The following ESCO1 variants were observed in gnomAD, a reference collection of about 807,000 sequenced individuals.
ESCO1 encodes establishment of sister chromatid cohesion N-acetyltransferase 1, also known as N-acetyltransferase ESCO1.
Under a neutral mutation model 83.5 loss-of-function variants are expected in ESCO1, and 33 were observed. The ratio of observed to expected loss-of-function variants is 0.40; its 90% confidence interval spans 0.30 to 0.53. ESCO1 has a LOEUF of 0.53. ESCO1 is among the 20% of genes least tolerant of loss of function. The probability of loss-of-function intolerance (pLI) is 0.63; values close to 1 mark genes in which losing one functional copy is unlikely to be tolerated. For synonymous variants in ESCO1, 332 were observed against 324.3 expected (o/e 1.02, Z -0.25); for missense variants, 855 against 968.0 (o/e 0.88, Z 1.55).
chr18:21,547,678 C>A (rs1254137297), intron 8 of ESCO1, among the ~76,000 whole-genome samples: 1 of 151,972 alleles, frequency 6.6e-6, no homozygotes, highest in African/African-American at 2.4e-5. Flanking sequence ...CTCAAAAAAA[C>A]AGCTATCAAA....
intron 2 of ESCO1, among the ~76,000 whole-genome samples, chr18:21,582,851 T>C (rs1034486821): frequency 2.0e-5 from 3 of 152,258 alleles, no homozygotes; most frequent in Non-Finnish European, 4.4e-5. Flanking sequence ...TCAATGTCTA[T>C]GCAGGACAAT....
At chr18:21,535,650 G>A (rs1387291427) in intron 10 of ESCO1, among the ~76,000 whole-genome samples, 4 of 152,166 alleles carry the variant, frequency 2.6e-5, no homozygotes, top group African/African-American at 9.7e-5. Flanking sequence ...CCAAAGTGCT[G>A]GGATTACAGG....
intron 8 of ESCO1, among the ~76,000 whole-genome samples, chr18:21,556,996 T>C (rs1169460826): frequency 6.6e-6 from 1 of 152,094 alleles, no homozygotes; most frequent in Non-Finnish European, 1.5e-5. Flanking sequence ...CACTGACCGG[T>C]ATTGTCGACT....
chr18:21,558,276 A>C (rs961318609), intron 8 of ESCO1, among the ~76,000 whole-genome samples: 1 of 152,156 alleles, frequency 6.6e-6, no homozygotes, highest in Admixed American at 6.6e-5. Flanking sequence ...GAAAGAATAC[A>C]GTAAGAAAAA....
intron 8 of ESCO1, among the ~76,000 whole-genome samples, chr18:21,556,661 G>A (rs999805780): frequency 6.6e-6 from 1 of 151,920 alleles, no homozygotes; most frequent in Non-Finnish European, 1.5e-5. Context: ...CTACTTCACA[G>A]GACAGCACAG....
chr18:21,543,225 G>A (rs1350855795), intron 8 of ESCO1, among the ~76,000 whole-genome samples: 1 of 152,110 alleles, frequency 6.6e-6, no homozygotes, highest in Non-Finnish European at 1.5e-5. Context: ...CGCAATCTCG[G>A]CTCACTGCAA....
chr18:21,562,452 G>A (rs1310278959), intron 7 of ESCO1, among the ~76,000 whole-genome samples: 7 of 140,034 alleles, frequency 5.0e-5, no homozygotes, highest in African/African-American at 1.9e-4. Flanking sequence ...CTCCAGCCTG[G>A]GTGACTCCGT....
chr18:21,565,061 C>A (rs1163384581), intron 6 of ESCO1, among the ~76,000 whole-genome samples: 1 of 151,426 alleles, frequency 6.6e-6, no homozygotes, highest in Non-Finnish European at 1.5e-5. Flanking sequence ...GGCGACAGAG[C>A]GAGACTCCGT....
At position 21,593,926 on chromosome 18, in the gene ESCO1, A is replaced by G. The variant is rs1263945693; in HGVS notation, c.-825+6697T>C. ...GGTTTGTGACCCAAGAGGTGCCAAT[A>G]TCTAGTCACTATAAAGCAGGGTTTT... is the stretch of plus-strand genomic sequence containing the variant. On this transcript the variant is annotated intron_variant, in intron 1 of 11. Coordinates refer to ENST00000269214, the MANE Select transcript of ESCO1 (RefSeq NM_052911.3). Among the ~76,000 whole-genome samples the G allele has an allele frequency of 2.0e-5, 3 of 152,038 alleles. No individual in the cohort carries two copies. The East Asian group carries it at 5.8e-4, about 29-fold the overall frequency.
intron 1 of ESCO1, among the ~76,000 whole-genome samples, chr18:21,592,291 G>C (rs1432901571): frequency 4.0e-5 from 6 of 151,672 alleles, no homozygotes; most frequent in Non-Finnish European, 5.9e-5. Context: ...CAGCTGGCCG[G>C]GCAGAGGGGC....
intron 2 of ESCO1, among the ~76,000 whole-genome samples, chr18:21,576,585 A>C (rs1045852742): frequency 6.6e-6 from 1 of 152,264 alleles, no homozygotes; most frequent in African/African-American, 2.4e-5. Context: ...ATAAAAATTT[A>C]GAAGTACAGA....
At chr18:21,548,972 C>A (rs1355478617) in intron 8 of ESCO1, among the ~76,000 whole-genome samples, 1 of 151,658 alleles carries the variant, frequency 6.6e-6, no homozygotes, top group Non-Finnish European at 1.5e-5. Flanking sequence ...AAATATAAAT[C>A]TATTCCCTCC....
chr18:21,559,154 TG>T (rs2038150820), intron 8 of ESCO1, among the ~76,000 whole-genome samples: 1 of 152,218 alleles, frequency 6.6e-6, no homozygotes. Context: ...TACCTACATT[TG>T]AAAACAGCAA....
chr18:21,583,505 G>A (rs528284493), intron 2 of ESCO1, among the ~76,000 whole-genome samples: 4 of 151,952 alleles, frequency 2.6e-5, no homozygotes, highest in East Asian at 2.0e-4. Flanking sequence ...TTAGCCAGGT[G>A]TGGTGGCATG....
chr18:21,580,551 CA>C (rs560024080), intron 2 of ESCO1, among the ~76,000 whole-genome samples: 221 of 151,692 alleles, frequency 1.5e-3, no homozygotes, highest in African/African-American at 5.3e-3. Flanking sequence ...GAATGTGCAC[CA>C]AAAAATAAGC....
intron 1 of ESCO1, among the ~76,000 whole-genome samples, chr18:21,591,254 A>T (rs2146232971): frequency 6.6e-6 from 1 of 152,346 alleles, no homozygotes; most frequent in Middle Eastern, 3.4e-3. Context: ...AGAAAATAAT[A>T]TGAAAATGAT....
At chr18:21,585,817 C>T (rs2038567845) in intron 1 of ESCO1, among the ~76,000 whole-genome samples, 1 of 151,872 alleles carries the variant, frequency 6.6e-6, no homozygotes. Context: ...GGTCTCAAAC[C>T]CCCGGGCTCA....
chr18:21,578,331 G>C (rs187398989), intron 2 of ESCO1, among the ~76,000 whole-genome samples: 15 of 152,134 alleles, frequency 9.9e-5, no homozygotes, highest in African/African-American at 3.6e-4. Context: ...AAGTGAAAAA[G>C]TCAACAGATG....
chr18:21,575,576 G>A (rs1450012162), intron 3 of ESCO1, 96 bp downstream of exon 3: 7 of 398,014 alleles, frequency 1.8e-5, no homozygotes, highest in East Asian at 1.4e-4. Flanking sequence ...CTAACAGAAC[G>A]AAGTATCCCA....
Sources: gnomAD v4.1 joint callset for allele counts (sites outside exome capture counted in the v4.1 genomes callset) on GRCh38, gnomAD v4.1.1 for gene constraint, MANE v1.5 for transcripts, NCBI Gene and HGNC (gene_info 2026-07-23, HGNC 2026-07-21) for gene names.